PER3: variants seen among roughly 807,000 people sequenced by gnomAD.
PER3 encodes period circadian protein homolog 3.
Under a neutral mutation model 127.2 loss-of-function variants are expected in PER3, and 107 were observed. The observed-to-expected ratio is 0.84, with a 90% confidence interval of 0.72 to 0.99. The LOEUF is 0.99. PER3 is among the 50% of genes least tolerant of loss of function. PER3 has a pLI of 0.00. For missense variants in PER3, 1,560 were observed against 1,525.8 expected, an observed-to-expected ratio of 1.02 and a Z score of -0.37; for synonymous variants, 618 against 585.8, an observed-to-expected ratio of 1.05 and a Z score of -0.79.
chr1:7,834,820 T>A (rs228658), intron 19 of PER3, among the ~76,000 whole-genome samples: 86,052 of 151,656 alleles, frequency 0.57, 25,350 homozygotes, highest in Middle Eastern at 0.73. Context: ...CTTAGTTTTT[T>A]AAAAAAAATT....
At chr1:7,824,845 C>T (rs564152810) in intron 16 of PER3, among the ~76,000 whole-genome samples, 19 of 152,226 alleles carry the variant, frequency 1.2e-4, no homozygotes, top group African/African-American at 4.3e-4. Flanking sequence ...GGCACTATTC[C>T]GCAGCTTGCG....
Position 7,788,229 on chromosome 1 carries a change from A to T in PER3, c.575A>T (p.Asn192Ile), listed in dbSNP as rs1269774326. 6.2e-6 allele frequency: 10 copies of T among 1,613,288 alleles called. No homozygotes were observed. The highest frequency in any genetic ancestry group is 1.3e-5 in the African/African-American group (1 of 74,898). The change falls in exon 5 of 22, where the codon AAC becomes ATC. Residue 192 changes from asparagine to isoleucine, a missense_variant. Asn to Ile is a moderately radical substitution (Grantham distance 149). Around this residue, in one of 3 missense-constraint regions of PER3, gnomAD observed 1,332 missense variants for 1,223.6 expected, o/e 1.09. Transcript: ENST00000377532. ...GCCAGAGCTCAGCTTCCTTTCTGGA[A>T]CAACTGGACCCAAAGAGGTAACAGG... ...HTARAQLPFW[N>I]NWTQRAAARY...
intron 6 of PER3, among the ~76,000 whole-genome samples, chr1:7,794,499 AT>A (rs1178934098): frequency 1.3e-5 from 2 of 152,166 alleles, no homozygotes; most frequent in African/African-American, 4.8e-5. Context: ...CTCAAAAAAA[AT>A]AAAAATAAAT....
chr1:7,829,821 C>G lies in PER3; in HGVS notation c.2887-13C>G. 1.3e-6 allele frequency: 2 copies of G among 1,598,902 alleles called. No individual in the cohort carries two copies. The highest frequency in any genetic ancestry group is 1.7e-6 in the Non-Finnish European group (2 of 1,166,774). On this transcript the variant is annotated splice_polypyrimidine_tract_variant and intron_variant, in intron 18 of 21. Transcript: ENST00000377532. The stretch of plus-strand genomic sequence containing the variant: ...AAGATTAAAGTGTCTTTTCATGTGC[C>G]CTTACTTTCTAGCAGTGTGTTACAG...
chr1:7,797,156 A>G (rs956671393), intron 6 of PER3, among the ~76,000 whole-genome samples: 5 of 152,078 alleles, frequency 3.3e-5, no homozygotes, highest in African/African-American at 4.8e-5. Context: ...AGCCTGGAAA[A>G]TGCATTCGTG....
At chr1:7,785,338 G>T in intron 2 of PER3, 103 bp from the exon 3 acceptor site, 1 of 881,236 alleles carries the variant, frequency 1.1e-6, no homozygotes, top group Non-Finnish European at 1.8e-6. Context: ...ACTGATGCCG[G>T]TAGAGCACTT....
Position 7,806,080 on chromosome 1 carries a change from C to T in PER3, c.1136+2232C>T, listed in dbSNP as rs143764912. ...AATGGTAATCAAAACATTCTCTTTA[C>T]CATCAGGAAACCCACACTGTAATGG... On this transcript the variant is annotated intron_variant, in intron 10 of 21. Coordinates refer to ENST00000377532, the MANE Select transcript of PER3 (RefSeq NM_001377275.1). Among the ~76,000 whole-genome samples, 392 of 152,206 alleles carry T rather than the reference C, an allele frequency of 2.6e-3. 1 individual carries two copies. Among genetic ancestry groups the T allele is most frequent in the African/African-American group, 9.0e-3 (375 of 41,544 alleles).
chr1:7,822,036 G>T (rs1346577464), intron 16 of PER3, among the ~76,000 whole-genome samples: 1 of 152,140 alleles, frequency 6.6e-6, no homozygotes, highest in African/African-American at 2.4e-5. Flanking sequence ...GTAGAGTAGG[G>T]AATCAAGTAT....
At chr1:7,840,236 TTAC>T (rs2097378915) in intron 21 of PER3, among the ~76,000 whole-genome samples, 1 of 152,164 alleles carries the variant, frequency 6.6e-6, no homozygotes, top group Non-Finnish European at 1.5e-5. Context: ...CTTTTTAGGT[TTAC>T]TATCTCTTTA....
Position 7,827,628 on chromosome 1 carries a change from A to G in PER3, c.2699A>G (p.Asp900Gly). 6.2e-7 allele frequency: 1 copy of G among 1,614,030 alleles called. No homozygotes were observed. The highest frequency in any genetic ancestry group is 1.7e-5 in the Admixed American group (1 of 60,008). Reference protein sequence around the residue: ...SMSSAMSPTLDPPPSVTSQRR... With the variant: ...SMSSAMSPTLGPPPSVTSQRR... ...TCGTCAGCAATGAGTCCAACTCTGGACCCACCCCCTTCAGTCACCAGCCAA... is the reference window on the plus strand; with the variant it reads ...TCGTCAGCAATGAGTCCAACTCTGGGCCCACCCCCTTCAGTCACCAGCCAA... Residue 900 changes from aspartate to glycine, a missense_variant, in exon 18 of 22, where the codon GAC becomes GGC. Around this residue, in one of 3 missense-constraint regions of PER3, gnomAD observed 1,332 missense variants for 1,223.6 expected, o/e 1.09. Transcript: ENST00000377532.
At chr1:7,806,618 T>C (rs1482448696) in intron 10 of PER3, among the ~76,000 whole-genome samples, 2 of 151,222 alleles carry the variant, frequency 1.3e-5, no homozygotes, top group African/African-American at 2.4e-5. Flanking sequence ...TGAGACCCCT[T>C]CTCTACAAAA....
intron 21 of PER3, among the ~76,000 whole-genome samples, chr1:7,841,814 G>T (rs1393605043): frequency 1.3e-5 from 2 of 152,090 alleles, no homozygotes; most frequent in Non-Finnish European, 2.9e-5. Context: ...TTTCAGTGTT[G>T]TTCTGGTTGT....
intron 11 of PER3, among the ~76,000 whole-genome samples, 189 bp downstream of exon 11, chr1:7,809,187 C>CA (rs745670143): frequency 6.6e-6 from 1 of 152,130 alleles, no homozygotes; most frequent in African/African-American, 2.4e-5. Flanking sequence ...CTGTGTTACA[C>CA]AGAATATTTT....
At chr1:7,836,913 C>A in intron 20 of PER3, 86 bp from the exon 21 acceptor site, 2 of 1,017,064 alleles carry the variant, frequency 2.0e-6, no homozygotes, top group Non-Finnish European at 2.9e-6. Flanking sequence ...GTATTACCAA[C>A]CAAGAAGAAG....
intron 19 of PER3, 38 bp downstream of exon 19, chr1:7,830,199 GC>G: frequency 6.4e-7 from 1 of 1,553,492 alleles, no homozygotes; most frequent in Non-Finnish European, 8.9e-7. Flanking sequence ...AAACTCCAAT[GC>G]CAGACATTCA....
rs1577732947 is a variant in PER3 at position 7,804,688 on chromosome 1, C to T, written c.1136+840C>T. Among the ~76,000 whole-genome samples the T allele has an allele frequency of 3.9e-5, 6 of 151,958 alleles. No homozygotes were observed. In the South Asian group the frequency reaches 1.2e-3, roughly 32 times the overall value. ...GTGCTGGAATTTTGAAGGTACGAGC[C>T]ACTGCGCCCGGACTGTGTCCATTTT... On this transcript the variant is annotated intron_variant, in intron 10 of 21. Coordinates refer to ENST00000377532, the MANE Select transcript of PER3 (RefSeq NM_001377275.1).
chr1:7,789,975 A>G (rs1043505449), intron 5 of PER3, among the ~76,000 whole-genome samples: 2 of 152,108 alleles, frequency 1.3e-5, no homozygotes, highest in Non-Finnish European at 2.9e-5. Context: ...TTAGCTGTTC[A>G]TTCCGTAAAC....
chr1:7,810,251 CA>C (rs2097213550), intron 12 of PER3, 186 bp from the exon 13 acceptor site: 1 of 618,994 alleles, frequency 1.6e-6, no homozygotes, highest in Admixed American at 3.3e-5. Flanking sequence ...ATATTGTGAA[CA>C]GATTTATTTA....
At position 7,820,630 on chromosome 1, in the gene PER3, C is replaced by G. The variant is rs759742846; in HGVS notation, c.1947C>G (p.Pro649=). The change falls in exon 16 of 22, where the codon CCC becomes CCG. Residue 649 remains proline, a synonymous_variant. Transcript: ENST00000377532. The part of the protein sequence containing the change: ...GYSSTIVHVP[P]PETARDATLF... ...GCAGCACCATTGTCCATGTCCCACC[C>G]CCAGAGACAGGTACCACACTCGCCT... 9.9e-6 allele frequency: 16 copies of G among 1,609,946 alleles called. No homozygotes were observed. In the Admixed American group the frequency reaches 1.7e-4, roughly 17 times the overall value.
Sources: allele counts gnomAD v4.1 joint callset (sites outside exome capture counted in the v4.1 genomes callset), GRCh38; gene constraint gnomAD v4.1.1; regional missense constraint gnomAD v4.1.1; transcripts MANE v1.5; gene names NCBI Gene and HGNC (gene_info 2026-07-23, HGNC 2026-07-21).